The following C8A variants were observed in gnomAD, a reference collection of about 807,000 sequenced individuals.
C8A encodes the protein complement C8 alpha chain, also known as complement component C8 alpha chain.
Under a neutral mutation model 65.3 loss-of-function variants are expected in C8A, and 67 were observed. The ratio of observed to expected loss-of-function variants is 1.03; its 90% CI spans 0.84 to 1.26. C8A has a LOEUF of 1.26. Ranked by LOEUF, C8A falls within the 50% of genes most tolerant of loss-of-function variation. The pLI is 0.00. For missense variants in C8A, 781 were observed against 723.9 expected (o/e 1.08, Z -0.90); for synonymous variants, 290 against 259.4 (o/e 1.12, Z -1.13).
chr1:56,900,161 A>G (rs1389941820), intron 7 of C8A, among the ~76,000 whole-genome samples: 2 of 152,134 alleles, frequency 1.3e-5, no homozygotes, highest in African/African-American at 4.8e-5. Flanking sequence ...AGGAGTTGGA[A>G]GGCTCCTTTC....
At chr1:56,897,525 G>C (rs370729720) in intron 7 of C8A, among the ~76,000 whole-genome samples, 1 of 152,320 alleles carries the variant, frequency 6.6e-6, no homozygotes, top group African/African-American at 2.4e-5. Context: ...TGGGGACTGA[G>C]GGCAACAGGG....
chr1:56,859,114 T>C (rs1483202065), intron 1 of C8A, among the ~76,000 whole-genome samples: 1 of 152,166 alleles, frequency 6.6e-6, no homozygotes, highest in Non-Finnish European at 1.5e-5. Flanking sequence ...TGCATAGGCT[T>C]TGGAGTCTTT....
At chr1:56,866,605 T>C (rs1644090647) in intron 1 of C8A, among the ~76,000 whole-genome samples, 1 of 152,244 alleles carries the variant, frequency 6.6e-6, no homozygotes, top group African/African-American at 2.4e-5. Flanking sequence ...AGGGTTATAA[T>C]CATGCCATTC....
At position 56,873,612 on chromosome 1, in the gene C8A, C is replaced by T. The variant is rs76338369; in HGVS notation, c.172-1337C>T. Among the ~76,000 whole-genome samples the T allele has an allele frequency of 3.3e-4, 51 of 152,274 alleles. No individual in the cohort carries two copies. In the East Asian group the frequency reaches 9.1e-3, roughly 27 times the overall value. ...CAAAGTACCAGACACTGATACTTCA[C>T]ACAGCAAGTAAGAAATTGATTGAGG... is the stretch of plus-strand genomic sequence containing the variant. On this transcript the variant is annotated intron_variant, in intron 2 of 10. Transcript: ENST00000361249.
chr1:56,917,015 G>A (rs932212690), intron 10 of C8A, among the ~76,000 whole-genome samples: 1 of 151,956 alleles, frequency 6.6e-6, no homozygotes, highest in Non-Finnish European at 1.5e-5. Flanking sequence ...GGAGGGCGGT[G>A]CTCCCCTCTC....
chr1:56,891,408 T>A (rs1023994909), intron 7 of C8A, among the ~76,000 whole-genome samples: 2 of 152,106 alleles, frequency 1.3e-5, no homozygotes, highest in Non-Finnish European at 2.9e-5. Flanking sequence ...ATGGACTGTA[T>A]CTGTGGTGGC....
At chr1:56,879,822 A>T (rs6681119) in intron 4 of C8A, among the ~76,000 whole-genome samples, 23,882 of 150,866 alleles carry the variant, frequency 0.16, 2,186 homozygotes, top group East Asian at 0.35. Flanking sequence ...GAATTTCTAC[A>T]ATCTGCCAGG....
intron 9 of C8A, 68 bp from the exon 10 acceptor site, chr1:56,912,335 C>A: frequency 1.4e-6 from 2 of 1,480,304 alleles, no homozygotes; most frequent in Non-Finnish European, 1.9e-6. Flanking sequence ...GCTTGGTGGC[C>A]GGTTCTTGGG....
chr1:56,912,354 A>C (rs1644514631), intron 9 of C8A, 49 bp from the exon 10 acceptor site: 1 of 1,566,758 alleles, frequency 6.4e-7, no homozygotes, highest in Admixed American at 1.7e-5. Flanking sequence ...GGCTCTGGGA[A>C]GGTAGATAGA....
intron 1 of C8A, among the ~76,000 whole-genome samples, chr1:56,864,263 G>A (rs975731663): frequency 5.9e-5 from 9 of 152,214 alleles, no homozygotes; most frequent in African/African-American, 1.7e-4. Flanking sequence ...GATTCATTCA[G>A]GGTTGGGATT....
intron 1 of C8A, among the ~76,000 whole-genome samples, chr1:56,866,761 C>A (rs570293172): frequency 1.3e-5 from 2 of 152,136 alleles, no homozygotes; most frequent in Non-Finnish European, 2.9e-5. Context: ...GGCAAACTTG[C>A]GGCTTGTCTC....
At chr1:56,905,566 T>C (rs1285845034) in intron 7 of C8A, among the ~76,000 whole-genome samples, 1 of 151,934 alleles carries the variant, frequency 6.6e-6, no homozygotes, top group African/African-American at 2.4e-5. Context: ...CATCACAGAG[T>C]TTGCTGTTTA....
chr1:56,907,016 C>A (rs1371929603), intron 8 of C8A, among the ~76,000 whole-genome samples: 1 of 152,078 alleles, frequency 6.6e-6, no homozygotes, highest in African/African-American at 2.4e-5. Context: ...ACGGGGCACC[C>A]TCCTAGATTT....
intron 7 of C8A, among the ~76,000 whole-genome samples, chr1:56,894,842 A>G (rs1253021063): frequency 6.6e-6 from 1 of 152,134 alleles, no homozygotes; most frequent in East Asian, 1.9e-4. Context: ...CTTTGTCATA[A>G]TCATCAGATT....
chr1:56,911,810 G>A (rs1214190524), intron 9 of C8A, among the ~76,000 whole-genome samples: 2 of 152,220 alleles, frequency 1.3e-5, no homozygotes, highest in Admixed American at 6.5e-5. Flanking sequence ...GCTCAGCAAT[G>A]ACAACAACAC....
intron 1 of C8A, among the ~76,000 whole-genome samples, chr1:56,856,110 G>A (rs1464014937): frequency 6.6e-6 from 1 of 152,006 alleles, no homozygotes; most frequent in African/African-American, 2.4e-5. Context: ...TCAAGTCAAG[G>A]CAAAATGGAA....
rs144143531 is a variant in C8A at position 56,912,480 on chromosome 1, C to G, written c.1458C>G (p.Ala486=). The G allele has an allele frequency of 6.2e-7, 1 of 1,614,230 alleles. No individual in the cohort carries two copies. The highest frequency in any genetic ancestry group is 1.3e-5 in the African/African-American group (1 of 75,062). ...LEAKRQNLRR[A]LDQYLMEFNA... is the part of the protein sequence containing the mutation. ...CCAAGCGCCAGAACCTGCGCCGCGC[C>G]TTGGACCAGTATCTGATGGAATTCA... Residue 486 remains alanine (A), a synonymous_variant, in exon 10 of 11, where the codon GCC becomes GCG. Coordinates refer to ENST00000361249, the MANE Select transcript of C8A (RefSeq NM_000562.3).
At position 56,885,361 on chromosome 1, in the gene C8A, AAT is replaced by A. The variant is rs1047496035; in HGVS notation, c.856-559_856-558del. ...ATTTACATAAATATATATTTATGTA[AAT>A]ATATATTTATATTTATTTAAATATA... On this transcript the variant is annotated intron_variant, in intron 6 of 10. Transcript: ENST00000361249. 4.0e-5 allele frequency among the ~76,000 whole-genome samples: 4 copies of A among 99,456 alleles called. 1 individual carries two copies. Among genetic ancestry groups the A allele is most frequent in the South Asian group, 5.6e-4 (2 of 3,594 alleles). 65.2% of individuals were successfully genotyped at this position (99,456 alleles called of 152,430 possible). A position where few individuals can be genotyped will look rare whatever the true frequency, so the allele number is the denominator to read the frequency against.
At chr1:56,894,936 T>A (rs1644376785) in intron 7 of C8A, among the ~76,000 whole-genome samples, 1 of 152,148 alleles carries the variant, frequency 6.6e-6, no homozygotes, top group East Asian at 1.9e-4. Context: ...TATTCACTAT[T>A]TTGTTTTAAT....
Sources: gnomAD v4.1 joint callset for allele counts (sites outside exome capture counted in the v4.1 genomes callset) on GRCh38, gnomAD v4.1.1 for gene constraint, MANE v1.5 for transcripts, NCBI Gene and HGNC (gene_info 2026-07-23, HGNC 2026-07-21) for gene names.